Variants in KCND2 observed in about 807,000 individuals in gnomAD.
The protein encoded by KCND2 is A-type voltage-gated potassium channel KCND2.
In KCND2, 16 loss-of-function variants were observed where a neutral mutation model predicts 54.4. That is an observed-to-expected ratio of 0.29 (90% confidence interval 0.20 to 0.45). The LOEUF is 0.45. Ranked by LOEUF, KCND2 falls within the 20% of genes least tolerant of loss-of-function variation. The pLI, the probability that KCND2 is intolerant of heterozygous loss-of-function variation, is 1.00. For synonymous variants in KCND2, 317 were observed against 310.7 expected, an observed-to-expected ratio of 1.02 and a Z score of -0.21; for missense variants, 486 against 824.2, an observed-to-expected ratio of 0.59 and a Z score of 5.02.
intron 1 of KCND2, among the ~76,000 whole-genome samples, chr7:120,675,538 G>T (rs1276060720): frequency 6.6e-6 from 1 of 151,966 alleles, no homozygotes; most frequent in Non-Finnish European, 1.5e-5. Context: ...ACCCTGCCAA[G>T]TTTCTACTGT....
chr7:120,589,815 A>G (rs79617664), intron 1 of KCND2, among the ~76,000 whole-genome samples: 6,201 of 152,244 alleles, frequency 0.041, 160 homozygotes, highest in Non-Finnish European at 0.066. Flanking sequence ...GTTTATTCCT[A>G]TGGAAAATGG....
intron 1 of KCND2, among the ~76,000 whole-genome samples, chr7:120,449,270 A>G (rs1046555583): frequency 6.6e-6 from 1 of 151,444 alleles, no homozygotes; most frequent in Non-Finnish European, 1.5e-5. Flanking sequence ...CGGAGCTTTC[A>G]GTGAGCCGAG....
At chr7:120,534,313 A>G (rs1256969028) in intron 1 of KCND2, among the ~76,000 whole-genome samples, 2 of 152,110 alleles carry the variant, frequency 1.3e-5, no homozygotes, top group Non-Finnish European at 2.9e-5. Context: ...TATGAATAAT[A>G]CTTACCTCCT....
chr7:120,533,826 G>A (rs1439088966), intron 1 of KCND2, among the ~76,000 whole-genome samples: 2 of 151,930 alleles, frequency 1.3e-5, no homozygotes, highest in Admixed American at 6.6e-5. Context: ...TATTATTTTG[G>A]TTAAATAATG....
At chr7:120,312,652 C>G (rs1799754989) in intron 1 of KCND2, among the ~76,000 whole-genome samples, 1 of 152,062 alleles carries the variant, frequency 6.6e-6, no homozygotes, top group African/African-American at 2.4e-5. Context: ...ACTATTTTTC[C>G]CAGGTGTTGT....
At chr7:120,522,696 A>G (rs141981295) in intron 1 of KCND2, among the ~76,000 whole-genome samples, 127 of 152,300 alleles carry the variant, frequency 8.3e-4, no homozygotes, top group African/African-American at 2.7e-3. Flanking sequence ...AAAGTCACGA[A>G]TATTCAGATT....
chr7:120,458,363 GT>G (rs1802232995), intron 1 of KCND2, among the ~76,000 whole-genome samples: 1 of 152,180 alleles, frequency 6.6e-6, no homozygotes, highest in Non-Finnish European at 1.5e-5. Flanking sequence ...TACAAAGACA[GT>G]TTTTGATACC....
chr7:120,283,899 T>C (rs901402538), intron 1 of KCND2, among the ~76,000 whole-genome samples: 1 of 152,106 alleles, frequency 6.6e-6, no homozygotes, highest in Non-Finnish European at 1.5e-5. Flanking sequence ...AAGATTGCCA[T>C]AGGATATGTA....
Position 120,566,279 on chromosome 7 carries a change from A to G in KCND2, c.1116-166624A>G, listed in dbSNP as rs143550964. Among the ~76,000 whole-genome samples the G allele has an allele frequency of 7.4e-4, 112 of 152,304 alleles. 1 individual carries two copies. In the East Asian group the frequency reaches 0.018, roughly 25 times the overall value. On this transcript the variant is annotated intron_variant, in intron 1 of 5. Coordinates refer to ENST00000331113, the MANE Select transcript of KCND2 (RefSeq NM_012281.3). ...TTGCTTTAGGTAAAACAGACTGGAT[A>G]TTAATACATCTTTTAAAATATTTGT...
intron 1 of KCND2, among the ~76,000 whole-genome samples, chr7:120,495,186 T>A (rs1392698513): frequency 2.6e-5 from 4 of 152,210 alleles, no homozygotes; most frequent in Non-Finnish European, 5.9e-5. Flanking sequence ...TTACATTTTA[T>A]AAAAGCTAAC....
intron 1 of KCND2, among the ~76,000 whole-genome samples, chr7:120,583,810 T>A (rs1792552651): frequency 1.3e-5 from 2 of 150,104 alleles, no homozygotes; most frequent in African/African-American, 5.0e-5. Flanking sequence ...ATTCAGCACA[T>A]AAAATTTAAG....
intron 1 of KCND2, among the ~76,000 whole-genome samples, chr7:120,473,141 A>G (rs1468534295): frequency 6.6e-6 from 1 of 152,156 alleles, no homozygotes; most frequent in Non-Finnish European, 1.5e-5. Flanking sequence ...ACACCCACAG[A>G]GGGAGAAAAC....
intron 1 of KCND2, among the ~76,000 whole-genome samples, chr7:120,502,976 G>A (rs1318546674): frequency 6.6e-6 from 1 of 152,026 alleles, no homozygotes; most frequent in Non-Finnish European, 1.5e-5. Context: ...TATGTTTGAA[G>A]TAGGTAAAAG....
At chr7:120,391,361 G>A (rs1801074624) in intron 1 of KCND2, among the ~76,000 whole-genome samples, 1 of 152,108 alleles carries the variant, frequency 6.6e-6, no homozygotes, top group Admixed American at 6.6e-5. Flanking sequence ...GTTGTAAATA[G>A]TGCTGCAATA....
At chr7:120,681,382 G>C (rs1242811032) in intron 1 of KCND2, among the ~76,000 whole-genome samples, 1 of 152,022 alleles carries the variant, frequency 6.6e-6, no homozygotes, top group East Asian at 1.9e-4. Context: ...GATTTTGATG[G>C]AGGAATGGGG....
At chr7:120,377,385 A>G (rs1800848317) in intron 1 of KCND2, among the ~76,000 whole-genome samples, 1 of 151,934 alleles carries the variant, frequency 6.6e-6, no homozygotes, top group Non-Finnish European at 1.5e-5. Flanking sequence ...TTTGACAACC[A>G]GAAAGAGTTT....
intron 1 of KCND2, among the ~76,000 whole-genome samples, chr7:120,558,193 C>T (rs1307737419): frequency 3.3e-5 from 5 of 152,094 alleles, no homozygotes; most frequent in Non-Finnish European, 7.4e-5. Flanking sequence ...GGATACGCCT[C>T]CAACCAATTA....
chr7:120,393,021 T>C (rs764853625), intron 1 of KCND2, among the ~76,000 whole-genome samples: 6 of 152,028 alleles, frequency 3.9e-5, no homozygotes, highest in Admixed American at 2.6e-4. Context: ...AACATTGTAA[T>C]AAGGATGTTT....
chr7:120,460,887 TTC>T (rs1292009480), intron 1 of KCND2, among the ~76,000 whole-genome samples: 17 of 152,202 alleles, frequency 1.1e-4, no homozygotes, highest in Non-Finnish European at 2.4e-4. Context: ...GTAGTTCTCT[TTC>T]TTATAGACCA....
Sources: allele counts gnomAD v4.1 joint callset (sites outside exome capture counted in the v4.1 genomes callset), GRCh38; gene constraint gnomAD v4.1.1; transcripts MANE v1.5; gene names NCBI Gene and HGNC (gene_info 2026-07-23, HGNC 2026-07-21).